CFAP61: variants seen among roughly 807,000 people sequenced by gnomAD.
The protein encoded by CFAP61 is cilia and flagella associated protein 61.
A neutral mutation model predicts 135.6 loss-of-function variants in CFAP61; 107 were observed. That is an observed-to-expected ratio of 0.79 (90% CI 0.67 to 0.93). The LOEUF is 0.93. Among genes scored for constraint, CFAP61 ranks in the 40% least tolerant of loss-of-function variants. The pLI, the probability that CFAP61 is intolerant of heterozygous loss-of-function variation, is 0.00. For missense variants in CFAP61, 1,507 were observed against 1,556.2 expected, an observed-to-expected ratio of 0.97 and a Z score of 0.53; for synonymous variants, 575 against 578.5, an observed-to-expected ratio of 0.99 and a Z score of 0.09.
At chr20:20,147,069 A>G (rs2051951084) in intron 9 of CFAP61, among the ~76,000 whole-genome samples, 1 of 152,320 alleles carries the variant, frequency 6.6e-6, no homozygotes, top group South Asian at 2.1e-4. Context: ...TTGCTGCAAA[A>G]GACATTATTT....
At chr20:20,168,842 G>A (rs919819816) in intron 12 of CFAP61, among the ~76,000 whole-genome samples, 1 of 152,052 alleles carries the variant, frequency 6.6e-6, no homozygotes, top group Non-Finnish European at 1.5e-5. Flanking sequence ...GATAAAATAC[G>A]TACACATTGG....
intron 6 of CFAP61, among the ~76,000 whole-genome samples, chr20:20,090,585 GA>G (rs1402782014): frequency 6.0e-5 from 9 of 151,110 alleles, no homozygotes; most frequent in Non-Finnish European, 1.2e-4. Context: ...ACCTACTCGG[GA>G]GGCTGAGGCA....
At chr20:20,311,577 T>G (rs2056832223) in intron 25 of CFAP61, among the ~76,000 whole-genome samples, 1 of 149,560 alleles carries the variant, frequency 6.7e-6, no homozygotes, top group African/African-American at 2.5e-5. Flanking sequence ...GAGCCGAGAG[T>G]CCGGGGAGAC....
chr20:20,160,348 C>G (rs1006804603), intron 10 of CFAP61, among the ~76,000 whole-genome samples: 2 of 152,118 alleles, frequency 1.3e-5, no homozygotes, highest in Admixed American at 6.5e-5. Context: ...AACACTAAGC[C>G]CAGACACTGA....
At chr20:20,283,907 A>C (rs1032005782) in intron 22 of CFAP61, among the ~76,000 whole-genome samples, 2 of 152,230 alleles carry the variant, frequency 1.3e-5, no homozygotes, top group African/African-American at 4.8e-5. Flanking sequence ...TTACCTGATC[A>C]GGTCAGACCC....
At chr20:20,336,743 A>G (rs1320306779) in intron 25 of CFAP61, among the ~76,000 whole-genome samples, 2 of 152,216 alleles carry the variant, frequency 1.3e-5, no homozygotes, top group African/African-American at 4.8e-5. Flanking sequence ...GAGGTAGCCT[A>G]GGGATGAAGC....
chr20:20,297,979 T>C (rs2055771547), intron 24 of CFAP61, among the ~76,000 whole-genome samples: 1 of 152,214 alleles, frequency 6.6e-6, no homozygotes, highest in Admixed American at 6.5e-5. Context: ...TTAAATATCC[T>C]TGTAGTCCCT....
At chr20:20,211,803 G>A (rs1489770179) in intron 17 of CFAP61, among the ~76,000 whole-genome samples, 1 of 152,144 alleles carries the variant, frequency 6.6e-6, no homozygotes, top group African/African-American at 2.4e-5. Context: ...GGTAGTTTAT[G>A]TATTTAACCA....
chr20:20,118,374 C>T (rs1422236265), intron 8 of CFAP61, among the ~76,000 whole-genome samples: 1 of 143,876 alleles, frequency 7.0e-6, no homozygotes, highest in Non-Finnish European at 1.5e-5. Context: ...GGGTTTCACC[C>T]TTGTTGCCCA....
At chr20:20,313,209 G>C (rs2056930689) in intron 25 of CFAP61, among the ~76,000 whole-genome samples, 2 of 152,176 alleles carry the variant, frequency 1.3e-5, no homozygotes, top group Admixed American at 1.3e-4. Flanking sequence ...CTCTCTCTCT[G>C]TCATGTGAGG....
At chr20:20,319,477 C>T (rs746042002) in intron 25 of CFAP61, among the ~76,000 whole-genome samples, 1 of 152,172 alleles carries the variant, frequency 6.6e-6, no homozygotes, top group East Asian at 1.9e-4. Context: ...TTTCCCCTTG[C>T]TGTTCTTGTA....
intron 13 of CFAP61, among the ~76,000 whole-genome samples, chr20:20,173,585 C>G (rs112342723): frequency 1.2e-4 from 19 of 152,142 alleles, no homozygotes; most frequent in African/African-American, 4.1e-4. Context: ...CTGTTTAGGT[C>G]TTTTGCCTAT....
At chr20:20,355,403 A>G (rs2059061314) in intron 26 of CFAP61, among the ~76,000 whole-genome samples, 1 of 69,792 alleles carries the variant, frequency 1.4e-5, no homozygotes, top group Non-Finnish European at 2.8e-5. Flanking sequence ...AGATGGTCAC[A>G]CTGTGAGGGG....
chr20:20,205,170 T>C (rs932078011), intron 17 of CFAP61, among the ~76,000 whole-genome samples: 1 of 152,208 alleles, frequency 6.6e-6, no homozygotes, highest in Admixed American at 6.5e-5. Context: ...GTCCTAATTT[T>C]TCGCTCTTAG....
At chr20:20,262,532 T>C (rs949199951) in intron 20 of CFAP61, among the ~76,000 whole-genome samples, 1 of 152,208 alleles carries the variant, frequency 6.6e-6, no homozygotes, top group Non-Finnish European at 1.5e-5. Context: ...GAAAAAGGAT[T>C]GAGATAGTTT....
chr20:20,200,799 A>G, intron 17 of CFAP61: 5 of 985,418 alleles, frequency 5.1e-6, no homozygotes, highest in Non-Finnish European at 6.0e-6. Flanking sequence ...CGCTGCAGGA[A>G]GGACATCACC....
At chr20:20,141,710 G>T (rs1370773822) in intron 8 of CFAP61, among the ~76,000 whole-genome samples, 2 of 152,154 alleles carry the variant, frequency 1.3e-5, no homozygotes, top group Non-Finnish European at 2.9e-5. Flanking sequence ...AGATATTTGG[G>T]GTTGAGAGGC....
At chr20:20,351,451 G>A (rs540507673) in intron 26 of CFAP61, among the ~76,000 whole-genome samples, 62 of 151,984 alleles carry the variant, frequency 4.1e-4, no homozygotes, top group East Asian at 1.2e-3. Context: ...ATGTGGTGGC[G>A]GGTGCCTGTA....
chr20:20,197,626 C>T (rs964630966), intron 16 of CFAP61, among the ~76,000 whole-genome samples: 7 of 152,032 alleles, frequency 4.6e-5, no homozygotes, highest in Admixed American at 1.3e-4. Context: ...TATACTCACC[C>T]CCCTCCCCCA....
Sources: gnomAD v4.1 joint callset for allele counts (sites outside exome capture counted in the v4.1 genomes callset) on GRCh38, gnomAD v4.1.1 for gene constraint, MANE v1.5 for transcripts, NCBI Gene and HGNC (gene_info 2026-07-23, HGNC 2026-07-21) for gene names.